PCNT: variants seen among roughly 807,000 people sequenced by gnomAD.
PCNT encodes kendrin.
PCNT carries 319 observed loss-of-function variants against 380.4 expected under a neutral mutation model. That is an observed-to-expected ratio of 0.84 (90% confidence interval 0.77 to 0.92). PCNT has a LOEUF of 0.92. Among genes scored for constraint, PCNT ranks in the 40% least tolerant of loss-of-function variants. The pLI is 0.00. For missense variants in PCNT, 4,400 were observed against 4,255.3 expected, an observed-to-expected ratio of 1.03 and a Z score of -0.95; for synonymous variants, 1,845 against 1,735.2, an observed-to-expected ratio of 1.06 and a Z score of -1.57.
chr21:46,339,804 A>T (rs751619217), intron 3 of PCNT, among the ~76,000 whole-genome samples: 9 of 152,184 alleles, frequency 5.9e-5, no homozygotes, highest in African/African-American at 2.2e-4. Context: ...CAAGTTGACA[A>T]TGTTAACTAT....
intron 8 of PCNT, among the ~76,000 whole-genome samples, chr21:46,350,282 C>A (rs1422123657): frequency 6.6e-6 from 1 of 152,194 alleles, no homozygotes; most frequent in Non-Finnish European, 1.5e-5. Flanking sequence ...TAATTACGTT[C>A]AATCTTGTAC....
chr21:46,416,927 T>A (rs1000798699), intron 30 of PCNT, 88 bp downstream of exon 30: 34 of 1,352,872 alleles, frequency 2.5e-5, no homozygotes, highest in Middle Eastern at 2.5e-4. Flanking sequence ...TTTGTTCACC[T>A]CCTGACAGCA....
At chr21:46,337,731 C>T (rs566136021) in intron 3 of PCNT, among the ~76,000 whole-genome samples, 16 of 150,722 alleles carry the variant, frequency 1.1e-4, no homozygotes, top group East Asian at 1.0e-3. Context: ...TACAGGCATG[C>T]GCCACCACGC....
intron 2 of PCNT, among the ~76,000 whole-genome samples, chr21:46,331,534 G>A (rs1303409797): frequency 2.0e-5 from 3 of 152,210 alleles, no homozygotes; most frequent in Non-Finnish European, 2.9e-5. Context: ...CAGAAAGCAA[G>A]GTCAGGCATG....
intron 3 of PCNT, among the ~76,000 whole-genome samples, chr21:46,345,624 A>C (rs1381277709): frequency 1.3e-5 from 2 of 152,168 alleles, no homozygotes; most frequent in East Asian, 3.8e-4. Context: ...ACCATTTTAA[A>C]GTACAGACCT....
chr21:46,380,903 A>T (rs993323502), intron 15 of PCNT, among the ~76,000 whole-genome samples: 1 of 152,102 alleles, frequency 6.6e-6, no homozygotes, highest in African/African-American at 2.4e-5. Context: ...AGTGGCTCAC[A>T]CCTGTAATCC....
At position 46,431,646 on chromosome 21, in the gene PCNT, C is replaced by T. The variant is rs762890408; in HGVS notation, c.8182C>T (p.Arg2728Cys). 192 of 1,613,736 alleles carry T rather than the reference C, an allele frequency of 1.2e-4. No homozygotes were observed. The highest frequency in any genetic ancestry group is 1.6e-4 in the Non-Finnish European group (190 of 1,179,906). ...LQKELRIEHS[R>C]CEALLAQERS... ...GAAGGAGCTGCGTATCGAGCACTCA[C>T]GCTGCGAGGCCTTGCTGGCTCAGGA... The change falls in exon 38 of 47, where the codon CGC becomes TGC. Residue 2728 changes from arginine to cysteine, a missense_variant. Physicochemically the swap from Arg to Cys is radical, Grantham distance 180. Transcript: ENST00000359568.
At chr21:46,365,149 TG>T (rs538816335) in intron 14 of PCNT, among the ~76,000 whole-genome samples, 4 of 151,748 alleles carry the variant, frequency 2.6e-5, no homozygotes, top group Non-Finnish European at 4.4e-5. Flanking sequence ...TTCACTGCCA[TG>T]GGGGTTCTAT....
chr21:46,418,683 C>T (rs368959075), intron 31 of PCNT, among the ~76,000 whole-genome samples: 12 of 152,358 alleles, frequency 7.9e-5, no homozygotes, highest in East Asian at 3.9e-4. Flanking sequence ...GAGACTGGGG[C>T]GGTGCACGCC....
Position 46,416,362 on chromosome 21 carries a change from C to G in PCNT, c.6444C>G (p.Asp2148Glu), listed in dbSNP as rs765864456. ...ATGTTATCAAAAATCAGGCCATAGA[C>G]GCGTGTGATGCCAATACAACCCCAG... ...VTDVIKNQAIDACDANTTPGG... is the reference protein window; with the variant it reads ...VTDVIKNQAIEACDANTTPGG... The change falls in exon 30 of 47, where the codon GAC (aspartate) becomes GAG (glutamate). Residue 2148 changes from aspartate to glutamate, a missense_variant. Physicochemically the swap from Asp to Glu is conservative, Grantham distance 45. Transcript: ENST00000359568. 2 of 1,614,078 alleles carry G rather than the reference C, an allele frequency of 1.2e-6. No individual in the cohort carries two copies. Among genetic ancestry groups the G allele is most frequent in the Non-Finnish European group, 1.7e-6 (2 of 1,179,986 alleles).
intron 27 of PCNT, 49 bp downstream of exon 27, chr21:46,402,532 C>T (rs774558625): frequency 8.8e-6 from 14 of 1,599,060 alleles, no homozygotes; most frequent in South Asian, 7.7e-5. Context: ...TTGCTTATGC[C>T]GGTGCCGAGC....
At chr21:46,347,627 A>T in intron 6 of PCNT, 115 bp downstream of exon 6, 1 of 915,014 alleles carries the variant, frequency 1.1e-6, no homozygotes. Flanking sequence ...TCGAGGCTTT[A>T]TTAGAATATG....
chr21:46,443,707 G>C, intron 44 of PCNT, 103 bp from the exon 45 acceptor site: 1 of 1,086,072 alleles, frequency 9.2e-7, no homozygotes, highest in Non-Finnish European at 1.4e-6. Context: ...TGCCATACAG[G>C]CTCTTAAAAG....
At position 46,334,711 on chromosome 21, in the gene PCNT, G is replaced by C; in HGVS notation, c.582G>C (p.Gln194His). The stretch of plus-strand genomic sequence containing the variant: ...CAGTCAGTGACCACACACCAGAACA[G>C]CGTGGGATCTTCACAATCAGTGACC... Reference protein sequence around the residue: ...MFTVSDHTPEQRGIFTISDHP... With the variant: ...MFTVSDHTPEHRGIFTISDHP... The change falls in exon 3 of 47, where the codon CAG becomes CAC. Residue 194 changes from glutamine to histidine, a missense_variant. Gln to His is a conservative substitution (Grantham distance 24). Coordinates refer to ENST00000359568, the MANE Select transcript of PCNT (RefSeq NM_006031.6). 1 of 1,613,974 alleles carries C rather than the reference G, an allele frequency of 6.2e-7. No homozygotes were observed.
rs1473076945 is a variant in PCNT at position 46,443,931 on chromosome 21, C to T, written c.9822C>T (p.Ser3274=). The part of the protein sequence containing the change: ...ARGRRLAAAA[S]PHSGGRATPS... ...GCCGCAGACTGGCAGCAGCAGCCTC[C>T]CCACACAGTGGGGGAAGGTCAGTGT... The change falls in exon 45 of 47, where the codon TCC becomes TCT. Residue 3274 remains serine (S), a synonymous_variant. Coordinates refer to ENST00000359568, the MANE Select transcript of PCNT (RefSeq NM_006031.6). 4 of 1,612,372 alleles carry T rather than the reference C, an allele frequency of 2.5e-6. No homozygotes were observed. In the South Asian group the frequency reaches 4.4e-5, roughly 18 times the overall value.
intron 46 of PCNT, among the ~76,000 whole-genome samples, 199 bp from the exon 47 acceptor site, chr21:46,445,085 G>A (rs1344203205): frequency 3.9e-5 from 6 of 152,060 alleles, no homozygotes; most frequent in South Asian, 2.1e-4. Flanking sequence ...CATTGATAGC[G>A]AACATAAAGA....
chr21:46,332,957 TA>T (rs1163662180), intron 2 of PCNT, among the ~76,000 whole-genome samples: 2 of 151,768 alleles, frequency 1.3e-5, no homozygotes, highest in South Asian at 2.1e-4. Flanking sequence ...TACAAAAAAA[TA>T]AAAAATAAGC....
intron 24 of PCNT, among the ~76,000 whole-genome samples, chr21:46,399,098 C>T (rs2086311419): frequency 6.6e-6 from 1 of 152,068 alleles, no homozygotes; most frequent in South Asian, 2.1e-4. Flanking sequence ...GGATTACAGG[C>T]GTGAGCCACC....
chr21:46,429,959 G>A (rs774140227), intron 35 of PCNT, 51 bp from the exon 36 acceptor site: 1 of 1,470,754 alleles, frequency 6.8e-7, no homozygotes, highest in Non-Finnish European at 9.5e-7. Context: ...TGTCACTTGT[G>A]CAGCACGAGG....
Sources: gnomAD v4.1 joint callset for allele counts (sites outside exome capture counted in the v4.1 genomes callset) on GRCh38, gnomAD v4.1.1 for gene constraint, MANE v1.5 for transcripts, NCBI Gene and HGNC (gene_info 2026-07-23, HGNC 2026-07-21) for gene names.